The following KIAA1549L variants were observed in gnomAD, a reference collection of about 807,000 sequenced individuals.
KIAA1549L encodes the protein UPF0606 protein KIAA1549L.
A neutral mutation model predicts 160.7 loss-of-function variants in KIAA1549L; 88 were observed. That is an observed-to-expected ratio of 0.55 (90% CI 0.46 to 0.65). KIAA1549L has a LOEUF of 0.65. KIAA1549L is among the 30% of genes least tolerant of loss of function. The pLI is 0.00. For missense variants in KIAA1549L, 2,258 were observed against 2,437.5 expected, an observed-to-expected ratio of 0.93 and a Z score of 1.55; for synonymous variants, 950 against 976.7, an observed-to-expected ratio of 0.97 and a Z score of 0.51.
Position 33,440,222 on chromosome 11 carries a change from C to T in KIAA1549L, c.238+63333C>T, listed in dbSNP as rs377469779. ...TCGGCTCATTGCAAGCTCCACCTCC[C>T]GGGTTCACGCCATTCTCCTGCCTCA... is the stretch of plus-strand genomic sequence containing the variant. On this transcript the variant is annotated intron_variant, in intron 1 of 20. Transcript: ENST00000658780. 7.9e-3 allele frequency among the ~76,000 whole-genome samples: 1,158 copies of T among 145,976 alleles called. 11 individuals are homozygous for T. The highest frequency in any genetic ancestry group is 0.025 in the African/African-American group (1,005 of 40,004).
At chr11:33,638,084 C>T (rs968398147) in intron 16 of KIAA1549L, among the ~76,000 whole-genome samples, 4 of 152,184 alleles carry the variant, frequency 2.6e-5, no homozygotes, top group African/African-American at 9.7e-5. Context: ...CTAGCTATGT[C>T]AATCTGTTTT....
chr11:33,386,523 A>C (rs925272172), intron 1 of KIAA1549L, among the ~76,000 whole-genome samples: 3 of 152,078 alleles, frequency 2.0e-5, no homozygotes, highest in African/African-American at 7.2e-5. Flanking sequence ...TCTACTAAAA[A>C]CACAAAAAAA....
chr11:33,649,881 A>G (rs1431215656), intron 17 of KIAA1549L, among the ~76,000 whole-genome samples: 6 of 151,684 alleles, frequency 4.0e-5, no homozygotes, highest in African/African-American at 1.5e-4. Flanking sequence ...AAAAAAGGAA[A>G]GAAAGAAAAA....
chr11:33,635,213 A>G (rs1851407116), intron 16 of KIAA1549L, among the ~76,000 whole-genome samples: 1 of 152,226 alleles, frequency 6.6e-6, no homozygotes, highest in African/African-American at 2.4e-5. Flanking sequence ...AACAGGCAGC[A>G]CTTGCAGTGG....
At chr11:33,531,869 G>A (rs559549161) in intron 1 of KIAA1549L, among the ~76,000 whole-genome samples, 13 of 152,246 alleles carry the variant, frequency 8.5e-5, no homozygotes, top group Admixed American at 3.3e-4. Context: ...GAAGCCTGAC[G>A]GGTCTTGGTG....
chr11:33,407,233 T>C (rs188189187), intron 1 of KIAA1549L, among the ~76,000 whole-genome samples: 2,791 of 150,172 alleles, frequency 0.019, 70 homozygotes, highest in African/African-American at 0.061. Flanking sequence ...TACAGGCGCC[T>C]GCCACCACGC....
intron 16 of KIAA1549L, among the ~76,000 whole-genome samples, chr11:33,643,586 G>A (rs1851644017): frequency 6.6e-6 from 1 of 152,182 alleles, no homozygotes; most frequent in African/African-American, 2.4e-5. Flanking sequence ...TCTGGATGTA[G>A]GGAGGAAGGG....
rs1458289199 is a variant in KIAA1549L at position 33,530,430 on chromosome 11, AAAAAAAATATATATATAT to A, written c.239-11370_239-11353del. Reference sequence around the variant, plus strand: ...AAGAAGAAGGAAAAAAAAAAAAAAAAAAAAAAATATATATATATATATATATATATATATATATATATA... The same window carrying A: ...AAGAAGAAGGAAAAAAAAAAAAAAAAATATATATATATATATATATATATA... On this transcript the variant is annotated intron_variant, in intron 1 of 20. Coordinates refer to ENST00000658780, the MANE Select transcript of KIAA1549L (RefSeq NM_012194.3). Among the ~76,000 whole-genome samples, 51 of 14,388 alleles carry A rather than the reference AAAAAAAATATATATATAT, an allele frequency of 3.5e-3. 1 individual carries two copies. Among genetic ancestry groups the A allele is most frequent in the African/African-American group, 4.6e-3 (23 of 5,040 alleles). The allele number at this position is 14,388 out of a possible 152,430, so 9.4% of individuals were successfully genotyped here. A position where few individuals can be genotyped will look rare whatever the true frequency, so the allele number is the denominator to read the frequency against.
At chr11:33,392,323 ATC>A (rs1217909249) in intron 1 of KIAA1549L, among the ~76,000 whole-genome samples, 1 of 152,220 alleles carries the variant, frequency 6.6e-6, no homozygotes, top group Non-Finnish European at 1.5e-5. Flanking sequence ...TTTATCATAT[ATC>A]TGTCTGTCCC....
intron 1 of KIAA1549L, among the ~76,000 whole-genome samples, chr11:33,408,161 A>G (rs1850705874): frequency 6.6e-6 from 1 of 152,204 alleles, no homozygotes; most frequent in Non-Finnish European, 1.5e-5. Flanking sequence ...TGTACAAAAC[A>G]GAAAGATTGG....
At chr11:33,485,086 T>G (rs1298994761) in intron 1 of KIAA1549L, among the ~76,000 whole-genome samples, 2 of 152,170 alleles carry the variant, frequency 1.3e-5, no homozygotes, top group Non-Finnish European at 2.9e-5. Context: ...ACCCAGCACC[T>G]TCAACCTTAG....
At chr11:33,646,952 T>C (rs757965582) in intron 17 of KIAA1549L, among the ~76,000 whole-genome samples, 1 of 152,120 alleles carries the variant, frequency 6.6e-6, no homozygotes, top group Non-Finnish European at 1.5e-5. Flanking sequence ...AGCCACTTCC[T>C]GGCTTTGTAA....
intron 1 of KIAA1549L, among the ~76,000 whole-genome samples, chr11:33,518,384 G>T (rs182264571): frequency 5.8e-4 from 89 of 152,206 alleles, no homozygotes; most frequent in African/African-American, 2.0e-3. Context: ...GCAGAATCCA[G>T]ATCCCCTGGC....
At chr11:33,520,164 C>G (rs76979827) in intron 1 of KIAA1549L, among the ~76,000 whole-genome samples, 2,790 of 152,110 alleles carry the variant, frequency 0.018, 85 homozygotes, top group African/African-American at 0.064. Flanking sequence ...AAAGATCTAG[C>G]GAATTTTTAA....
intron 1 of KIAA1549L, among the ~76,000 whole-genome samples, chr11:33,400,902 A>G (rs887529454): frequency 6.6e-6 from 1 of 152,096 alleles, no homozygotes; most frequent in Non-Finnish European, 1.5e-5. Flanking sequence ...AGGCTTAGAG[A>G]GGTGATATAA....
At chr11:33,379,686 T>C (rs1366120290) in intron 1 of KIAA1549L, among the ~76,000 whole-genome samples, 1 of 152,204 alleles carries the variant, frequency 6.6e-6, no homozygotes, top group Non-Finnish European at 1.5e-5. Context: ...ACTGTCTGGG[T>C]CTCAGTTCTC....
At chr11:33,517,041 A>C (rs1214901868) in intron 1 of KIAA1549L, among the ~76,000 whole-genome samples, 1 of 152,220 alleles carries the variant, frequency 6.6e-6, no homozygotes, top group Non-Finnish European at 1.5e-5. Flanking sequence ...TACAAATGAC[A>C]CAGCTTTGGA....
intron 1 of KIAA1549L, among the ~76,000 whole-genome samples, chr11:33,499,315 G>A (rs781609539): frequency 1.1e-4 from 16 of 152,306 alleles, no homozygotes; most frequent in East Asian, 3.9e-4. Flanking sequence ...CCCTGAATGC[G>A]TGAGGTGGCA....
chr11:33,596,220 G>A (rs1419481584), intron 12 of KIAA1549L, among the ~76,000 whole-genome samples: 2 of 152,138 alleles, frequency 1.3e-5, no homozygotes, highest in Non-Finnish European at 2.9e-5. Context: ...TCATGTGAGT[G>A]GACATGCATG....
Sources: gnomAD v4.1 joint callset for allele counts (sites outside exome capture counted in the v4.1 genomes callset) on GRCh38, gnomAD v4.1.1 for gene constraint, MANE v1.5 for transcripts, NCBI Gene and HGNC (gene_info 2026-07-23, HGNC 2026-07-21) for gene names.